HS3ST5: variants seen among roughly 807,000 people sequenced by gnomAD.
HS3ST5 encodes heparan sulfate-glucosamine 3-sulfotransferase 5, also known as heparan sulfate glucosamine 3-O-sulfotransferase 5.
HS3ST5 carries 10 observed loss-of-function variants against 25.4 expected under a neutral mutation model. That is an observed-to-expected ratio of 0.39 (90% CI 0.24 to 0.67). The LOEUF (loss-of-function observed/expected upper bound fraction) is 0.67, where lower values mean the gene tolerates loss of function less well. Ranked by LOEUF, HS3ST5 falls within the 30% of genes least tolerant of loss-of-function variation. The probability of loss-of-function intolerance (pLI) is 0.44; values close to 1 mark genes in which losing one functional copy is unlikely to be tolerated. For synonymous variants in HS3ST5, 170 were observed against 162.4 expected (o/e 1.05, Z -0.36); for missense variants, 324 against 420.7 (o/e 0.77, Z 2.01).
At chr6:114,265,736 C>T (rs186390749) in intron 1 of HS3ST5, among the ~76,000 whole-genome samples, 31 of 152,252 alleles carry the variant, frequency 2.0e-4, no homozygotes, top group Admixed American at 5.2e-4. Flanking sequence ...ACACATTTGG[C>T]TACTTATTCC....
At chr6:114,281,529 G>GT (rs2114739184) in intron 1 of HS3ST5, among the ~76,000 whole-genome samples, 1 of 152,032 alleles carries the variant, frequency 6.6e-6, no homozygotes, top group African/African-American at 2.4e-5. Context: ...CCAATCACCT[G>GT]TGGCCACATG....
intron 2 of HS3ST5, among the ~76,000 whole-genome samples, chr6:114,227,954 A>G (rs1197127802): frequency 6.6e-6 from 1 of 152,068 alleles, no homozygotes; most frequent in Non-Finnish European, 1.5e-5. Context: ...GAATAACTCA[A>G]ATTAGGGGAG....
intron 2 of HS3ST5, among the ~76,000 whole-genome samples, chr6:114,206,840 T>C (rs1781293360): frequency 6.6e-6 from 1 of 152,200 alleles, no homozygotes; most frequent in South Asian, 2.1e-4. Context: ...CCAAAAAGCC[T>C]GGAGTTGCAT....
At chr6:114,333,737 C>T (rs1458630118) in intron 1 of HS3ST5, among the ~76,000 whole-genome samples, 3 of 151,866 alleles carry the variant, frequency 2.0e-5, no homozygotes, top group Non-Finnish European at 4.4e-5. Context: ...GCTCCGTCTC[C>T]CGGGTTTACG....
At chr6:114,326,039 T>TG in intron 1 of HS3ST5, among the ~76,000 whole-genome samples, 1 of 151,492 alleles carries the variant, frequency 6.6e-6, no homozygotes, top group African/African-American at 2.4e-5. Flanking sequence ...TAAATTGCAA[T>TG]GCAATAATTT....
At chr6:114,265,475 G>T (rs1773365788) in intron 1 of HS3ST5, among the ~76,000 whole-genome samples, 1 of 152,128 alleles carries the variant, frequency 6.6e-6, no homozygotes, top group Non-Finnish European at 1.5e-5. Flanking sequence ...ATAGAACGTA[G>T]TGGCTGGAGG....
chr6:114,286,221 CA>C (rs1431018594), intron 1 of HS3ST5, among the ~76,000 whole-genome samples: 2 of 151,584 alleles, frequency 1.3e-5, no homozygotes, highest in Non-Finnish European at 2.9e-5. Context: ...TGGTGATTAT[CA>C]AAAAATTATC....
intron 3 of HS3ST5, chr6:114,143,959 A>G (rs1414585601): frequency 6.6e-6 from 1 of 152,326 alleles, no homozygotes; most frequent in Non-Finnish European, 1.5e-5. Context: ...GTCTGTATAT[A>G]TGTCCCAGAT....
intron 3 of HS3ST5, among the ~76,000 whole-genome samples, chr6:114,067,379 A>C (rs1247355163): frequency 6.6e-6 from 1 of 152,220 alleles, no homozygotes. Context: ...GCAGACAGGA[A>C]AAAGAAGAAA....
At chr6:114,221,618 T>C (rs2114490862) in intron 2 of HS3ST5, among the ~76,000 whole-genome samples, 1 of 151,556 alleles carries the variant, frequency 6.6e-6, no homozygotes, top group East Asian at 1.9e-4. Context: ...AAATGGATAA[T>C]TTTAAAAAGA....
At chr6:114,257,171 G>A (rs1452954841) in intron 1 of HS3ST5, among the ~76,000 whole-genome samples, 1 of 152,184 alleles carries the variant, frequency 6.6e-6, no homozygotes. Context: ...TTCAAGATAA[G>A]ATTTGGATGG....
At chr6:114,211,361 G>C (rs1241847435) in intron 2 of HS3ST5, among the ~76,000 whole-genome samples, 2 of 151,992 alleles carry the variant, frequency 1.3e-5, no homozygotes, top group Non-Finnish European at 2.9e-5. Context: ...ATCTTTCTCA[G>C]TCTTGATCCT....
At chr6:114,142,612 T>A (rs969733130) in intron 3 of HS3ST5, among the ~76,000 whole-genome samples, 1 of 152,204 alleles carries the variant, frequency 6.6e-6, no homozygotes, top group Non-Finnish European at 1.5e-5. Context: ...ATAGATATAA[T>A]CATCTTTTTC....
At position 114,335,649 on chromosome 6, in the gene HS3ST5, CT is replaced by C. The variant is rs939502327; in HGVS notation, c.-339+6545del. Among the ~76,000 whole-genome samples, 142 of 144,900 alleles carry C rather than the reference CT, an allele frequency of 9.8e-4. 1 individual carries two copies. The Middle Eastern group carries it at 0.011, about 11-fold the overall frequency. On this transcript the variant is annotated intron_variant, in intron 1 of 4. Transcript: ENST00000312719. ...GAATTAGCTGTCCCAAAAGCCTCCT[CT>C]TTTTTTTTTTTCTTTTTTTAAATTA...
At chr6:114,086,425 A>G (rs1428280227) in intron 3 of HS3ST5, among the ~76,000 whole-genome samples, 1 of 152,244 alleles carries the variant, frequency 6.6e-6, no homozygotes, top group East Asian at 1.9e-4. Flanking sequence ...ATAGCCAGCA[A>G]GAAAACCGGG....
chr6:114,313,248 G>A (rs1002779498), intron 1 of HS3ST5, among the ~76,000 whole-genome samples: 6 of 152,036 alleles, frequency 3.9e-5, no homozygotes, highest in South Asian at 2.1e-4. Context: ...TGGAACTTAC[G>A]TTTCTGGTGG....
chr6:114,117,718 A>AG (rs1270944094), intron 3 of HS3ST5, among the ~76,000 whole-genome samples: 11 of 152,288 alleles, frequency 7.2e-5, no homozygotes, highest in Admixed American at 4.6e-4. Flanking sequence ...TGCCTAAAGG[A>AG]GGAAGATCAG....
At chr6:114,300,748 AC>A (rs1033041147) in intron 1 of HS3ST5, among the ~76,000 whole-genome samples, 1 of 152,226 alleles carries the variant, frequency 6.6e-6, no homozygotes, top group African/African-American at 2.4e-5. Context: ...GAAAGTAGAA[AC>A]ACAAATACTT....
chr6:114,118,043 T>C (rs1024948694), intron 3 of HS3ST5, among the ~76,000 whole-genome samples: 1 of 152,164 alleles, frequency 6.6e-6, no homozygotes, highest in African/African-American at 2.4e-5. Flanking sequence ...AATTAAGTGA[T>C]TTGCCTCACA....
Sources: gnomAD v4.1 joint callset for allele counts (sites outside exome capture counted in the v4.1 genomes callset) on GRCh38, gnomAD v4.1.1 for gene constraint, MANE v1.5 for transcripts, NCBI Gene and HGNC (gene_info 2026-07-23, HGNC 2026-07-21) for gene names.